ZNF782: variants seen among roughly 807,000 people sequenced by gnomAD.
ZNF782 encodes zinc finger protein 782.
In ZNF782, 12 loss-of-function variants were observed where a neutral mutation model predicts 13.0. That is an observed-to-expected ratio of 0.92 (90% confidence interval 0.59 to 1.50). ZNF782 has a LOEUF of 1.50. ZNF782 is among the 40% of genes most tolerant of loss of function. The pLI, the probability that ZNF782 is intolerant of heterozygous loss-of-function variation, is 0.00. For missense variants in ZNF782, 770 were observed against 822.9 expected, an observed-to-expected ratio of 0.94 and a Z score of 0.79; for synonymous variants, 284 against 283.0, an observed-to-expected ratio of 1.00 and a Z score of -0.04.
At chr9:96,925,098 T>G in the ZNF782 span, among the ~76,000 whole-genome samples, 75 of 152,228 alleles carry the variant, frequency 4.9e-4, no homozygotes, top group Non-Finnish European at 7.4e-4. Flanking sequence ...CCCTTTCCGC[T>G]CGCGCTGCGT....
chr9:96,855,674 G>A (rs753822532), upstream of ZNF782, among the ~76,000 whole-genome samples: 5 of 152,196 alleles, frequency 3.3e-5, no homozygotes. Context: ...TATTTGGGTT[G>A]GTTCCACGTT....
chr9:96,895,201 A>G, the ZNF782 span: 16 of 152,236 alleles, frequency 1.1e-4, no homozygotes, highest in African/African-American at 3.9e-4. Context: ...GCAGGGGCCA[A>G]GTGGCAGCAT....
At chr9:96,844,505 CA>C (rs1372004300) in intron 4 of ZNF782, among the ~76,000 whole-genome samples, 1 of 151,980 alleles carries the variant, frequency 6.6e-6, no homozygotes, top group Non-Finnish European at 1.5e-5. Context: ...TTTATGATTC[CA>C]TTTATATGAA....
At chr9:96,911,162 A>G in the ZNF782 span, among the ~76,000 whole-genome samples, 4 of 146,364 alleles carry the variant, frequency 2.7e-5, no homozygotes, top group East Asian at 4.3e-4. Context: ...AAAAAGGGCC[A>G]GGCGCGGTGG....
chr9:96,865,921 G>T (rs891365372), intron 1 of ZNF782, among the ~76,000 whole-genome samples: 1 of 152,172 alleles, frequency 6.6e-6, no homozygotes, highest in South Asian at 2.1e-4. Context: ...GAACTTGAGA[G>T]AAATGATTTA....
the ZNF782 span, among the ~76,000 whole-genome samples, chr9:96,926,906 C>A: frequency 6.6e-6 from 1 of 152,070 alleles, no homozygotes; most frequent in African/African-American, 2.4e-5. Context: ...TCCCCAACAC[C>A]CACCCATCAG....
rs1274382534 is a variant in ZNF782, at chr9:96,854,202, G to A, written c.-376C>T. On this transcript the variant is annotated 5_prime_UTR_variant, in exon 1 of 6. Coordinates refer to ENST00000481138, the MANE Select transcript of ZNF782 (RefSeq NM_001001662.3). Reference sequence around the variant, plus strand: ...GCTTTCCCCACCCCCGCCGCCGCTCGCGCCGGGCTCCGGTCCCGCACACCG... The same window carrying A: ...GCTTTCCCCACCCCCGCCGCCGCTCACGCCGGGCTCCGGTCCCGCACACCG... 6.6e-6 allele frequency: 1 copy of A among 152,204 alleles called. No homozygotes were observed. The highest frequency in any genetic ancestry group is 2.4e-5 in the African/African-American group (1 of 41,398). 9.4% of individuals were successfully genotyped at this position (152,204 alleles called of 1,614,324 possible).
At chr9:96,852,193 T>A (rs1465412987) in intron 2 of ZNF782, among the ~76,000 whole-genome samples, 188 bp from the exon 3 acceptor site, 1 of 152,214 alleles carries the variant, frequency 6.6e-6, no homozygotes, top group East Asian at 1.9e-4. Flanking sequence ...GAAATAATTA[T>A]GGGGCTTAAA....
At chr9:96,886,558 T>C in the ZNF782 span, among the ~76,000 whole-genome samples, 1 of 152,190 alleles carries the variant, frequency 6.6e-6, no homozygotes, top group Non-Finnish European at 1.5e-5. Context: ...TAGTAGACTG[T>C]GATGAGTTAC....
the ZNF782 span, chr9:96,889,548 C>A: frequency 6.6e-6 from 1 of 152,136 alleles, no homozygotes; most frequent in Non-Finnish European, 1.5e-5. Flanking sequence ...TACAGGCATG[C>A]GCCACCACGT....
chr9:96,860,596 G>A (rs185406601), intron 2 of ZNF782, among the ~76,000 whole-genome samples: 4 of 152,262 alleles, frequency 2.6e-5, no homozygotes, highest in African/African-American at 9.6e-5. Flanking sequence ...ATCCTAAAAT[G>A]TATATACAAC....
intron 3 of ZNF782, among the ~76,000 whole-genome samples, chr9:96,860,055 G>A (rs746457963): frequency 1.3e-5 from 2 of 152,174 alleles, no homozygotes; most frequent in East Asian, 3.9e-4. Context: ...GGGGAGGGGA[G>A]AGTGGGAAGG....
the ZNF782 span, among the ~76,000 whole-genome samples, chr9:96,918,304 G>C: frequency 0.018 from 2,672 of 147,286 alleles, 73 homozygotes; most frequent in African/African-American, 0.064. Context: ...GGGAAGCTTG[G>C]GAAGCTGAGG....
chr9:96,931,974 G>A, the ZNF782 span: 22 of 1,611,618 alleles, frequency 1.4e-5, no homozygotes, highest in Non-Finnish European at 1.8e-5. Flanking sequence ...ACAGAAGTGG[G>A]GCCTGTGAAG....
chr9:96,821,604 CT>C (rs371045920), intron 5 of ZNF782, among the ~76,000 whole-genome samples: 93 of 152,026 alleles, frequency 6.1e-4, no homozygotes, highest in African/African-American at 2.2e-3. Flanking sequence ...CATTTTAAAA[CT>C]TACGGCACGT....
At chr9:96,838,010 G>A (rs570447104) in intron 4 of ZNF782, among the ~76,000 whole-genome samples, 29 of 152,256 alleles carry the variant, frequency 1.9e-4, no homozygotes, top group South Asian at 4.1e-4. Context: ...ATAGGTGTTA[G>A]CCTCTGTGCC....
chr9:96,908,128 C>T, the ZNF782 span, among the ~76,000 whole-genome samples: 1 of 151,762 alleles, frequency 6.6e-6, no homozygotes, highest in Non-Finnish European at 1.5e-5. Flanking sequence ...TTTTCCAGTG[C>T]CCAGGCCAGT....
the ZNF782 span, among the ~76,000 whole-genome samples, chr9:96,925,285 G>T: frequency 0.017 from 2,614 of 151,086 alleles, 129 homozygotes; most frequent in East Asian, 0.21. Context: ...TCACCAGGGC[G>T]CTTCCTGGGG....
Position 96,819,772 on chromosome 9 carries a change from G to A in ZNF782, c.251C>T (p.Ser84Phe), listed in dbSNP as rs761443790. ...CTTCTCTGAGATTTCATCAGGTTGG[G>A]AGTCTTCTAAAAATGATAAAATTAA... is the stretch of plus-strand genomic sequence containing the variant. ...GFLSRNSPEDSQPDEISEKSP... is the reference protein window; with the variant it reads ...GFLSRNSPEDFQPDEISEKSP... Residue 84 changes from serine to phenylalanine, a missense_variant, in exon 6 of 6, where the codon TCC becomes TTC. Ser to Phe is a radical substitution (Grantham distance 155, BLOSUM62 -2). Transcript: ENST00000481138. The A allele has an allele frequency of 1.3e-5, 21 of 1,569,856 alleles. No homozygotes were observed. Among genetic ancestry groups the A allele is most frequent in the East Asian group, 6.8e-5 (3 of 44,398 alleles).
Sources: gnomAD v4.1 joint callset for allele counts (sites outside exome capture counted in the v4.1 genomes callset) on GRCh38, gnomAD v4.1.1 for gene constraint, MANE v1.5 for transcripts, NCBI Gene and HGNC (gene_info 2026-07-23, HGNC 2026-07-21) for gene names.